SLC25A12: variants seen among roughly 807,000 people sequenced by gnomAD.
SLC25A12 encodes solute carrier family 25 member 12, also known as electrogenic aspartate/glutamate antiporter SLC25A12, mitochondrial.
Under a neutral mutation model 83.3 loss-of-function variants are expected in SLC25A12, and 32 were observed. The observed-to-expected ratio is 0.38, with a 90% CI of 0.29 to 0.52. The LOEUF (loss-of-function observed/expected upper bound fraction) is 0.52. Among genes scored for constraint, SLC25A12 ranks in the 20% least tolerant of loss-of-function variants. The pLI, the probability that SLC25A12 is intolerant of heterozygous loss-of-function variation, is 0.84. For missense variants in SLC25A12, 611 were observed against 835.6 expected (o/e 0.73, Z 3.31); for synonymous variants, 267 against 291.1 (o/e 0.92, Z 0.84).
At chr2:171,823,926 G>T (rs940433439) in intron 9 of SLC25A12, among the ~76,000 whole-genome samples, 4 of 125,744 alleles carry the variant, frequency 3.2e-5, no homozygotes, top group Non-Finnish European at 6.6e-5. Context: ...GGCTGACAGA[G>T]TGAGACCCTG....
intron 9 of SLC25A12, among the ~76,000 whole-genome samples, chr2:171,825,221 G>A (rs1684276683): frequency 6.6e-6 from 1 of 152,182 alleles, no homozygotes; most frequent in South Asian, 2.1e-4. Context: ...TACACATCAA[G>A]CAAACAGTTA....
intron 13 of SLC25A12, among the ~76,000 whole-genome samples, chr2:171,797,779 T>C (rs979444886): frequency 6.6e-6 from 1 of 152,172 alleles, no homozygotes; most frequent in Non-Finnish European, 1.5e-5. Flanking sequence ...GACACTAAGA[T>C]ATATAAAATT....
chr2:171,800,930 T>C (rs905991623), intron 13 of SLC25A12, among the ~76,000 whole-genome samples: 5 of 152,064 alleles, frequency 3.3e-5, no homozygotes, highest in Admixed American at 6.6e-5. Flanking sequence ...AGAAGTGTGG[T>C]TGCATGGGGT....
At chr2:171,851,556 C>T (rs936976327) in intron 4 of SLC25A12, among the ~76,000 whole-genome samples, 9 of 149,614 alleles carry the variant, frequency 6.0e-5, no homozygotes, top group Non-Finnish European at 1.2e-4. Context: ...TCATTTGAGA[C>T]AGGGTTTCAC....
At chr2:171,865,298 C>A (rs13017585) in intron 3 of SLC25A12, among the ~76,000 whole-genome samples, 38,727 of 151,982 alleles carry the variant, frequency 0.25, 5,037 homozygotes, top group African/African-American at 0.28. Context: ...CCTTGATAAT[C>A]GCAGTAAATA....
intron 2 of SLC25A12, among the ~76,000 whole-genome samples, chr2:171,879,414 A>G (rs1685642411): frequency 2.0e-5 from 3 of 152,218 alleles, no homozygotes; most frequent in Admixed American, 2.0e-4. Flanking sequence ...AGTAAGCCCT[A>G]CTGTCAGCTA....
At chr2:171,893,669 C>T (rs535168526) in intron 1 of SLC25A12, among the ~76,000 whole-genome samples, 119 of 152,290 alleles carry the variant, frequency 7.8e-4, no homozygotes, top group Non-Finnish European at 1.5e-3. Flanking sequence ...AAAAAGCAAA[C>T]CCAACATGTA....
At chr2:171,821,550 C>T (rs1207209147) in intron 9 of SLC25A12, among the ~76,000 whole-genome samples, 1 of 152,140 alleles carries the variant, frequency 6.6e-6, no homozygotes, top group African/African-American at 2.4e-5. Flanking sequence ...AATAGCATCC[C>T]ATTGCAGTTT....
intron 5 of SLC25A12, among the ~76,000 whole-genome samples, chr2:171,843,460 C>A (rs556449051): frequency 6.6e-6 from 1 of 151,856 alleles, no homozygotes; most frequent in Non-Finnish European, 1.5e-5. Flanking sequence ...TGGCAAAACC[C>A]CACCTCTACT....
chr2:171,792,841 T>C lies in SLC25A12; in HGVS notation c.1446+786A>G, dbSNP rs1393089645. 2.0e-5 allele frequency among the ~76,000 whole-genome samples: 3 copies of C among 152,180 alleles called. No homozygotes were observed. The East Asian group carries it at 5.8e-4, about 29-fold the overall frequency. On this transcript the variant is annotated intron_variant, in intron 14 of 17. Transcript: ENST00000422440. ...GCTGTGTGATTCCAATCTAGAGAATTTCTAATTTCTAATTTGCAGTTACCG... is the reference window on the plus strand; with the variant it reads ...GCTGTGTGATTCCAATCTAGAGAATCTCTAATTTCTAATTTGCAGTTACCG...
At chr2:171,813,808 T>C (rs573656854) in intron 10 of SLC25A12, among the ~76,000 whole-genome samples, 2 of 152,222 alleles carry the variant, frequency 1.3e-5, no homozygotes, top group Non-Finnish European at 2.9e-5. Flanking sequence ...CAGTTTTCTA[T>C]AGTAACAACA....
intron 8 of SLC25A12, among the ~76,000 whole-genome samples, chr2:171,832,271 T>C (rs1684457291): frequency 6.6e-6 from 1 of 152,168 alleles, no homozygotes; most frequent in Non-Finnish European, 1.5e-5. Flanking sequence ...TGGTTGCTGG[T>C]GGACACTAAG....
intron 9 of SLC25A12, among the ~76,000 whole-genome samples, chr2:171,815,423 C>G (rs1247884024): frequency 1.3e-5 from 2 of 152,006 alleles, no homozygotes; most frequent in African/African-American, 4.8e-5. Context: ...ATTTAAAAAC[C>G]ATGTTAGGCC....
intron 9 of SLC25A12, among the ~76,000 whole-genome samples, chr2:171,819,416 T>TTA (rs56154524): frequency 0.77 from 94,243 of 121,892 alleles, 37,375 homozygotes; most frequent in East Asian, 0.89. Flanking sequence ...AAGTATATAA[T>TTA]TATGTTATAT....
chr2:171,840,312 G>A (rs1191825934), intron 5 of SLC25A12, among the ~76,000 whole-genome samples: 3 of 151,954 alleles, frequency 2.0e-5, no homozygotes, highest in East Asian at 1.9e-4. Context: ...TGGAACCTGG[G>A]GAAGTCAAGG....
At chr2:171,814,566 G>A (rs7559830) in intron 10 of SLC25A12, among the ~76,000 whole-genome samples, 2,552 of 151,838 alleles carry the variant, frequency 0.017, 69 homozygotes, top group African/African-American at 0.054. Flanking sequence ...TGTCACGGGC[G>A]TTTGTTGTAC....
chr2:171,849,558 C>CTTTTTT (rs72304626), intron 4 of SLC25A12, among the ~76,000 whole-genome samples: 1 of 114,584 alleles, frequency 8.7e-6, no homozygotes, highest in African/African-American at 3.5e-5. Flanking sequence ...GTGGTGTGAT[C>CTTTTTT]TTTTTTTTTT....
intron 4 of SLC25A12, chr2:171,848,180 C>A: frequency 2.1e-6 from 1 of 471,020 alleles, no homozygotes; most frequent in Non-Finnish European, 4.4e-6. Flanking sequence ...TACCTCTGAC[C>A]GGGGCTGGCA....
At chr2:171,870,282 A>C (rs1685431662) in intron 2 of SLC25A12, among the ~76,000 whole-genome samples, 1 of 152,234 alleles carries the variant, frequency 6.6e-6, no homozygotes, top group Admixed American at 6.5e-5. Context: ...CAAAATAAAC[A>C]GTATTTATAG....
Sources: allele counts gnomAD v4.1 joint callset (sites outside exome capture counted in the v4.1 genomes callset), GRCh38; gene constraint gnomAD v4.1.1; transcripts MANE v1.5; gene names NCBI Gene and HGNC (gene_info 2026-07-23, HGNC 2026-07-21).